Variants in MAPKAPK3 observed in about 807,000 individuals in gnomAD.
MAPKAPK3 encodes MAPK activated protein kinase 3, also known as MAP kinase-activated protein kinase 3.
In MAPKAPK3, 35 loss-of-function variants were observed where a neutral mutation model predicts 49.2. The observed-to-expected ratio is 0.71, with a 90% confidence interval of 0.54 to 0.94. The LOEUF (loss-of-function observed/expected upper bound fraction) is 0.94. Ranked by LOEUF, MAPKAPK3 falls within the 40% of genes least tolerant of loss-of-function variation. The pLI is 0.00. For synonymous variants in MAPKAPK3, 178 were observed against 188.7 expected (o/e 0.94, Z 0.46); for missense variants, 398 against 493.1 (o/e 0.81, Z 1.83).
At chr3:50,641,800 G>C (rs2033182354) in intron 4 of MAPKAPK3, 29 bp downstream of exon 4, 1 of 1,602,740 alleles carries the variant, frequency 6.2e-7, no homozygotes, top group Non-Finnish European at 8.5e-7. Flanking sequence ...ACCAGCAGGA[G>C]GATTCAGGGT....
intron 6 of MAPKAPK3, 67 bp downstream of exon 6, chr3:50,644,599 A>G: frequency 6.5e-7 from 1 of 1,539,936 alleles, no homozygotes; most frequent in Non-Finnish European, 8.9e-7. Flanking sequence ...TGGGGTAGCC[A>G]GTGGGTTGCA....
chr3:50,648,029 G>A lies in MAPKAPK3; in HGVS notation c.1132G>A (p.Gly378Ser). Residue 378 changes from glycine (G) to serine (S), a missense_variant, in exon 11 of 11, where the codon GGC (glycine) becomes AGC (serine). Around this residue, in one of 5 missense-constraint regions of MAPKAPK3, gnomAD observed 152 missense variants for 177.3 expected, o/e 0.86. Transcript: ENST00000621469. ...GGCAGGCAGCTCCTCTGCCTCACAGGGCTGCAACAACCAGTAGCTCATGGG... is the reference window on the plus strand; with the variant it reads ...GGCAGGCAGCTCCTCTGCCTCACAGAGCTGCAACAACCAGTAGCTCATGGG... Reference protein sequence around the residue: ...KQAGSSSASQGCNNQ With the variant: ...KQAGSSSASQSCNNQ 3 of 1,613,346 alleles carry A rather than the reference G, an allele frequency of 1.9e-6. No homozygotes were observed. The highest frequency in any genetic ancestry group is 2.5e-6 in the Non-Finnish European group (3 of 1,179,800).
intron 2 of MAPKAPK3, among the ~76,000 whole-genome samples, chr3:50,631,554 G>A (rs1042575356): frequency 2.0e-5 from 3 of 152,236 alleles, no homozygotes; most frequent in Non-Finnish European, 4.4e-5. Flanking sequence ...CCACACAGGT[G>A]CCAGCAGCAC....
chr3:50,623,659 C>T (rs1375061146), intron 2 of MAPKAPK3, among the ~76,000 whole-genome samples: 1 of 152,258 alleles, frequency 6.6e-6, no homozygotes, highest in African/African-American at 2.4e-5. Context: ...TTATCACTCC[C>T]ATTATATGGA....
upstream of MAPKAPK3, chr3:50,611,674 G>A: frequency 6.7e-7 from 1 of 1,482,246 alleles, no homozygotes; most frequent in Admixed American, 2.6e-5. Context: ...CGGCGACTCC[G>A]GAGTGGGGAC....
In MAPKAPK3 at chr3:50,643,693, G is replaced by C. The variant is rs988144717; in HGVS notation, c.505-716G>C. ...GCTTCTCTGTTTTTATCACAATTGA[G>C]AAGGTCAGATCTTCTCAAATGGAAC... On this transcript the variant is annotated intron_variant, in intron 5 of 10. Coordinates refer to ENST00000621469, the MANE Select transcript of MAPKAPK3 (RefSeq NM_001243925.2). Among the ~76,000 whole-genome samples the C allele has an allele frequency of 2.0e-5, 3 of 152,026 alleles. No individual in the cohort carries two copies. In the South Asian group the frequency reaches 6.2e-4, roughly 32 times the overall value.
intron 2 of MAPKAPK3, among the ~76,000 whole-genome samples, chr3:50,626,397 A>G (rs1432220455): frequency 6.6e-6 from 1 of 151,952 alleles, no homozygotes; most frequent in Admixed American, 6.6e-5. Flanking sequence ...AACACTCAAG[A>G]CTCTCTAGCT....
chr3:50,640,815 G>C (rs1180674663), intron 3 of MAPKAPK3, among the ~76,000 whole-genome samples: 1 of 152,252 alleles, frequency 6.6e-6, no homozygotes, highest in Admixed American at 6.5e-5. Flanking sequence ...AATATGGATG[G>C]ATGGGGGATT....
At chr3:50,636,296 C>G (rs1269693409) in intron 2 of MAPKAPK3, among the ~76,000 whole-genome samples, 3 of 152,210 alleles carry the variant, frequency 2.0e-5, no homozygotes, top group African/African-American at 7.2e-5. Context: ...GTTACTTCCC[C>G]TCTCTGTGCC....
intron 2 of MAPKAPK3, among the ~76,000 whole-genome samples, chr3:50,635,436 G>A (rs1235999747): frequency 1.0e-4 from 6 of 59,426 alleles, no homozygotes; most frequent in Non-Finnish European, 1.9e-4. Flanking sequence ...TTTTTTTTTT[G>A]AGATGGAGTT....
At chr3:50,643,115 G>T (rs1482954188) in intron 5 of MAPKAPK3, among the ~76,000 whole-genome samples, 4 of 152,210 alleles carry the variant, frequency 2.6e-5, no homozygotes, top group Admixed American at 6.5e-5. Flanking sequence ...GCCTCGAAAA[G>T]TGCTGGGATT....
At chr3:50,643,360 G>C (rs765844323) in intron 5 of MAPKAPK3, among the ~76,000 whole-genome samples, 5 of 152,174 alleles carry the variant, frequency 3.3e-5, no homozygotes, top group Non-Finnish European at 7.3e-5. Flanking sequence ...AGGTCATCTG[G>C]ATCAGATGGA....
chr3:50,631,334 A>T (rs1576004449), intron 2 of MAPKAPK3, among the ~76,000 whole-genome samples: 1 of 152,186 alleles, frequency 6.6e-6, no homozygotes, highest in African/African-American at 2.4e-5. Flanking sequence ...GAGAGGGAGG[A>T]CATGGGGGGC....
chr3:50,645,971 C>T (rs946257130), intron 7 of MAPKAPK3, among the ~76,000 whole-genome samples, 169 bp from the exon 8 acceptor site: 1 of 152,176 alleles, frequency 6.6e-6, no homozygotes, highest in Non-Finnish European at 1.5e-5. Context: ...AGGGTCTCCC[C>T]ATGCCAAGGG....
chr3:50,640,644 A>C (rs972112961), intron 3 of MAPKAPK3, 139 bp downstream of exon 3: 112 of 1,015,294 alleles, frequency 1.1e-4, no homozygotes, highest in Non-Finnish European at 1.5e-4. Context: ...GCAATGGAGC[A>C]GGCAGCCGCA....
chr3:50,634,973 A>G (rs1357272769), intron 2 of MAPKAPK3, among the ~76,000 whole-genome samples: 1 of 152,210 alleles, frequency 6.6e-6, no homozygotes, highest in Non-Finnish European at 1.5e-5. Context: ...ACGCCTGTCT[A>G]GAAGTCTGCC....
intron 2 of MAPKAPK3, among the ~76,000 whole-genome samples, chr3:50,622,191 T>C (rs2032625844): frequency 1.3e-5 from 2 of 152,212 alleles, no homozygotes; most frequent in Non-Finnish European, 2.9e-5. Context: ...ATATTTCTCC[T>C]GACAGATGGG....
chr3:50,642,753 CATTT>C (rs1436473883), intron 5 of MAPKAPK3, among the ~76,000 whole-genome samples: 6 of 152,218 alleles, frequency 3.9e-5, no homozygotes, highest in Middle Eastern at 3.2e-3. Flanking sequence ...TTCATTCATT[CATTT>C]GTTTACTTGT....
upstream of MAPKAPK3, chr3:50,613,943 T>C (rs1052440123): frequency 6.6e-6 from 1 of 152,352 alleles, no homozygotes; most frequent in Non-Finnish European, 1.5e-5. Flanking sequence ...TTTAAGGTCC[T>C]CAGTGAAGCT....
Sources: gnomAD v4.1 joint callset for allele counts (sites outside exome capture counted in the v4.1 genomes callset) on GRCh38, gnomAD v4.1.1 for gene constraint, gnomAD v4.1.1 regional missense constraint, MANE v1.5 for transcripts, NCBI Gene and HGNC (gene_info 2026-07-23, HGNC 2026-07-21) for gene names.